The following PARP4 variants were observed in gnomAD, a reference collection of about 807,000 sequenced individuals.
The protein encoded by PARP4 is poly(ADP-ribose) polymerase family member 4.
Under a neutral mutation model 187.7 loss-of-function variants are expected in PARP4, and 120 were observed. The observed-to-expected ratio is 0.64, with a 90% CI of 0.55 to 0.74. PARP4 has a LOEUF of 0.74. PARP4 is among the 30% of genes least tolerant of loss of function. The probability of loss-of-function intolerance (pLI) is 0.00; values close to 1 mark genes in which losing one functional copy is unlikely to be tolerated. For synonymous variants in PARP4, 654 were observed against 740.9 expected (o/e 0.88, Z 1.90); for missense variants, 1,836 against 2,070.5 (o/e 0.89, Z 2.20).
chr13:24,437,669 T>G (rs931313902), intron 30 of PARP4, among the ~76,000 whole-genome samples: 4 of 152,092 alleles, frequency 2.6e-5, no homozygotes, highest in African/African-American at 9.7e-5. Context: ...ATTTTTCACC[T>G]GTAAGATATG....
chr13:24,439,973 G>A (rs375807980), intron 30 of PARP4, among the ~76,000 whole-genome samples: 7 of 152,296 alleles, frequency 4.6e-5, no homozygotes, highest in East Asian at 3.9e-4. Flanking sequence ...GTGAGCCTAC[G>A]GGGCCACCTG....
intron 13 of PARP4, 69 bp downstream of exon 13, chr13:24,478,021 TAGG>T: frequency 8.1e-7 from 1 of 1,230,044 alleles, no homozygotes; most frequent in Non-Finnish European, 1.1e-6. Context: ...TTAATGAAAA[TAGG>T]AGCAAAAAAC....
intron 23 of PARP4, among the ~76,000 whole-genome samples, chr13:24,453,004 G>C (rs988709688): frequency 6.6e-6 from 1 of 151,848 alleles, no homozygotes; most frequent in South Asian, 2.1e-4. Context: ...GCACAATCTC[G>C]GCTCACTGCA....
intron 15 of PARP4, among the ~76,000 whole-genome samples, chr13:24,475,091 G>A (rs1361400584): frequency 6.6e-6 from 1 of 152,198 alleles, no homozygotes; most frequent in Non-Finnish European, 1.5e-5. Context: ...TTCTCAGGGA[G>A]GCCTCCATGG....
At chr13:24,496,561 T>C (rs1215028207) in intron 6 of PARP4, among the ~76,000 whole-genome samples, 1 of 152,142 alleles carries the variant, frequency 6.6e-6, no homozygotes, top group African/African-American at 2.4e-5. Flanking sequence ...TATGGGCTCT[T>C]GTGGGGTAGG....
At chr13:24,428,156 TA>T (rs1565985148) in intron 32 of PARP4, among the ~76,000 whole-genome samples, 2 of 152,068 alleles carry the variant, frequency 1.3e-5, no homozygotes, top group African/African-American at 4.8e-5. Flanking sequence ...ATAACACAGA[TA>T]ATAGGGAGCA....
At chr13:24,471,759 A>T (rs1404569738) in intron 15 of PARP4, among the ~76,000 whole-genome samples, 12 of 152,168 alleles carry the variant, frequency 7.9e-5, no homozygotes, top group Admixed American at 6.5e-4. Flanking sequence ...GGTACAAGTC[A>T]TCTAATCCCA....
intron 6 of PARP4, among the ~76,000 whole-genome samples, chr13:24,497,709 G>T (rs1869031072): frequency 6.6e-6 from 1 of 152,214 alleles, no homozygotes; most frequent in Non-Finnish European, 1.5e-5. Context: ...ACGGGATTGT[G>T]TTTGGAGACA....
intron 33 of PARP4, among the ~76,000 whole-genome samples, chr13:24,423,586 GA>G (rs1869865492): frequency 6.6e-6 from 1 of 151,692 alleles, no homozygotes; most frequent in Non-Finnish European, 1.5e-5. Flanking sequence ...TCCCAAAATA[GA>G]AAAACAAAAT....
At chr13:24,463,656 A>C (rs9511283) in intron 17 of PARP4, among the ~76,000 whole-genome samples, 64 of 151,596 alleles carry the variant, frequency 4.2e-4, no homozygotes, top group Non-Finnish European at 7.8e-4. Context: ...TCAAAATAAT[A>C]AGAACCATTA....
intron 33 of PARP4, among the ~76,000 whole-genome samples, chr13:24,421,709 T>C (rs368313189): frequency 6.6e-6 from 1 of 152,294 alleles, no homozygotes; most frequent in East Asian, 1.9e-4. Context: ...TCCTTCCCAC[T>C]GTACTGACTT....
chr13:24,435,158 G>A lies in PARP4; in HGVS notation c.3983C>T (p.Pro1328Leu). The A allele has an allele frequency of 6.2e-7, 1 of 1,614,182 alleles. No individual in the cohort carries two copies. Among genetic ancestry groups the A allele is most frequent in the Non-Finnish European group, 8.5e-7 (1 of 1,180,014 alleles). ...ILAPAVGSYL[P>L]PTARAHSPAS... ...AGGACTGTGAGCGCGGGCAGTCGGG[G>A]GAAGATAGGAACCAACGGCCGGAGC... The change falls in exon 31 of 34, where the codon CCC becomes CTC. Residue 1328 changes from proline to leucine, a missense_variant. Pro to Leu is a moderately conservative substitution (Grantham distance 98, BLOSUM62 -3). Around this residue, in one of 8 missense-constraint regions of PARP4, gnomAD observed 450 missense variants for 439.2 expected, o/e 1.02. Coordinates refer to ENST00000381989, the MANE Select transcript of PARP4 (RefSeq NM_006437.4).
At chr13:24,502,747 C>A (rs1241806884) in intron 2 of PARP4, among the ~76,000 whole-genome samples, 1 of 152,172 alleles carries the variant, frequency 6.6e-6, no homozygotes, top group Non-Finnish European at 1.5e-5. Flanking sequence ...AGAGCAGGCA[C>A]GAATTACTCA....
In PARP4 at chr13:24,475,551, C is replaced by G; in HGVS notation, c.1835G>C (p.Gly612Ala). The G allele has an allele frequency of 6.2e-7, 1 of 1,614,024 alleles. No individual in the cohort carries two copies. Reference sequence around the variant, plus strand: ...CAAGTTCCCAGAGGCATCCTGGAGGCCGGCCTTGGTGCTGCTGGAAGTTTT... The same window carrying G: ...CAAGTTCCCAGAGGCATCCTGGAGGGCGGCCTTGGTGCTGCTGGAAGTTTT... The part of the protein sequence containing the change: ...DAKTSSSTKA[G>A]LQDASGNLVP... Residue 612 changes from glycine to alanine, a missense_variant, in exon 15 of 34, where the codon GGC becomes GCC. Gly to Ala is a moderately conservative substitution (Grantham distance 60). This residue lies in a region of PARP4 where 1,147 missense variants were observed against 1,214.2 expected (regional missense o/e 0.94). Transcript: ENST00000381989.
intron 8 of PARP4, 93 bp downstream of exon 8, chr13:24,493,503 T>G: frequency 8.2e-7 from 1 of 1,215,108 alleles, no homozygotes; most frequent in Middle Eastern, 2.0e-4. Flanking sequence ...TCCAGAGCAG[T>G]CAGGCCAGCA....
chr13:24,456,899 TCAAAACAAAAA>T (rs1271885495), intron 20 of PARP4, among the ~76,000 whole-genome samples: 1 of 151,702 alleles, frequency 6.6e-6, no homozygotes, highest in Non-Finnish European at 1.5e-5. Flanking sequence ...AAACTCTGTC[TCAAAACAAAAA>T]CAAAACAAAA....
intron 16 of PARP4, 90 bp downstream of exon 16, chr13:24,469,804 T>C (rs1432629474): frequency 4.4e-6 from 6 of 1,370,474 alleles, no homozygotes; most frequent in Middle Eastern, 2.1e-4. Context: ...CTCAACCTTG[T>C]AGCCATGGGG....
At chr13:24,509,731 G>C (rs537639908) in intron 1 of PARP4, among the ~76,000 whole-genome samples, 1 of 151,316 alleles carries the variant, frequency 6.6e-6, no homozygotes, top group Non-Finnish European at 1.5e-5. Flanking sequence ...AGCCAGTCTC[G>C]CTCTGTCACC....
rs745983413 is a variant in PARP4 at position 24,455,226 on chromosome 13, G to C, written c.2563-14C>G. The C allele has an allele frequency of 1.9e-6, 3 of 1,565,068 alleles. No individual in the cohort carries two copies. The African/African-American group carries it at 4.0e-5, about 21-fold the overall frequency. ...AAGCATGCAAGCCTGAAAGGAGAAA[G>C]AAGGTGCTGGACTGGAGCTTCTTGT... is the stretch of plus-strand genomic sequence containing the variant. On this transcript the variant is annotated splice_polypyrimidine_tract_variant and intron_variant, in intron 21 of 33. Coordinates refer to ENST00000381989, the MANE Select transcript of PARP4 (RefSeq NM_006437.4).
Sources: gnomAD v4.1 joint callset for allele counts (sites outside exome capture counted in the v4.1 genomes callset) on GRCh38, gnomAD v4.1.1 for gene constraint, gnomAD v4.1.1 regional missense constraint, MANE v1.5 for transcripts, NCBI Gene and HGNC (gene_info 2026-07-23, HGNC 2026-07-21) for gene names.